The following GRAMD2B variants were observed in gnomAD, a reference collection of about 807,000 sequenced individuals.
GRAMD2B encodes GRAM domain containing 2B, also known as GRAM domain-containing protein 2B.
Under a neutral mutation model 59.2 loss-of-function variants are expected in GRAMD2B, and 41 were observed. The observed-to-expected ratio is 0.69, with a 90% CI of 0.54 to 0.90. The LOEUF is 0.90. GRAMD2B is among the 40% of genes least tolerant of loss of function. The probability of loss-of-function intolerance (pLI) is 0.00; values close to 1 mark genes in which losing one functional copy is unlikely to be tolerated. For missense variants in GRAMD2B, 424 were observed against 500.5 expected (o/e 0.85, Z 1.46); for synonymous variants, 161 against 182.7 (o/e 0.88, Z 0.96).
At chr5:126,428,540 G>T (rs1760994323) in intron 1 of GRAMD2B, among the ~76,000 whole-genome samples, 1 of 152,078 alleles carries the variant, frequency 6.6e-6, no homozygotes, top group Admixed American at 6.5e-5. Context: ...GATTTATCTG[G>T]GCAGTACATG....
At position 126,386,810 on chromosome 5, in the gene GRAMD2B, A is replaced by G. The variant is rs149925499; in HGVS notation, c.125+15243A>G. On this transcript the variant is annotated intron_variant, in intron 1 of 8. Coordinates refer to the GRAMD2B transcript ENST00000506445. ...GGACTATTCTGAGGATTAGGTACAG[A>G]TAATTTTGGAGGCTGGCAAGTTGGA... 4.4e-3 allele frequency among the ~76,000 whole-genome samples: 676 copies of G among 152,310 alleles called. 6 individuals are homozygous for G. Among genetic ancestry groups the G allele is most frequent in the Non-Finnish European group, 5.3e-3 (360 of 68,032 alleles).
At position 126,386,462 on chromosome 5, in the gene GRAMD2B, A is replaced by G. The variant is rs139973021; in HGVS notation, c.125+14895A>G. 2.6e-3 allele frequency among the ~76,000 whole-genome samples: 402 copies of G among 152,352 alleles called. 2 individuals carry two copies. Among genetic ancestry groups the G allele is most frequent in the Non-Finnish European group, 3.8e-3 (257 of 68,036 alleles). ...ACAATGAGCATGTATTATCTTACAC[A>G]GTATCTGTGGGTTCTGAATCTGGAA... On this transcript the variant is annotated intron_variant, in intron 1 of 8. Coordinates refer to the GRAMD2B transcript ENST00000506445.
intron 1 of GRAMD2B, among the ~76,000 whole-genome samples, chr5:126,427,654 T>C (rs1760847199): frequency 6.6e-6 from 1 of 152,224 alleles, no homozygotes; most frequent in Non-Finnish European, 1.5e-5. Flanking sequence ...TTACTTAAAA[T>C]AGTGAATTCA....
At chr5:126,376,845 A>G (rs542812324) in intron 1 of GRAMD2B, among the ~76,000 whole-genome samples, 18 of 152,212 alleles carry the variant, frequency 1.2e-4, no homozygotes, top group African/African-American at 4.3e-4. Context: ...AGGACCTATG[A>G]ACTCTGCAGA....
chr5:126,441,655 C>T (rs951948142), intron 1 of GRAMD2B, among the ~76,000 whole-genome samples: 3 of 152,210 alleles, frequency 2.0e-5, no homozygotes, highest in African/African-American at 7.2e-5. Flanking sequence ...CACACAGCAA[C>T]ATTTCACAAT....
chr5:126,367,003 GCAC>G (rs2149686590), upstream of GRAMD2B, among the ~76,000 whole-genome samples: 1 of 151,862 alleles, frequency 6.6e-6, no homozygotes, highest in South Asian at 2.1e-4. Flanking sequence ...TACAGGCCAC[GCAC>G]CACCACACCT....
chr5:126,430,278 G>A (rs866601155), intron 1 of GRAMD2B, among the ~76,000 whole-genome samples: 8 of 152,260 alleles, frequency 5.3e-5, no homozygotes, highest in Non-Finnish European at 8.8e-5. Flanking sequence ...ATATGTAGCC[G>A]TCATTGGTCA....
intron 1 of GRAMD2B, among the ~76,000 whole-genome samples, chr5:126,413,376 G>A (rs952452163): frequency 6.6e-6 from 1 of 152,070 alleles, no homozygotes; most frequent in Admixed American, 6.6e-5. Flanking sequence ...AAGTAATTCA[G>A]AAGCAAGTTT....
chr5:126,443,489 C>T (rs1436930986), intron 1 of GRAMD2B, among the ~76,000 whole-genome samples: 2 of 152,170 alleles, frequency 1.3e-5, no homozygotes, highest in African/African-American at 4.8e-5. Context: ...TAAAAGAAAA[C>T]AGGACCCCTG....
At chr5:126,383,643 A>G (rs1561464839) in intron 1 of GRAMD2B, among the ~76,000 whole-genome samples, 1 of 152,188 alleles carries the variant, frequency 6.6e-6, no homozygotes, top group Non-Finnish European at 1.5e-5. Flanking sequence ...GCTGTATGGC[A>G]AAACTATGCG....
intron 1 of GRAMD2B, among the ~76,000 whole-genome samples, chr5:126,450,509 G>C (rs1195389303): frequency 6.6e-6 from 1 of 152,036 alleles, no homozygotes; most frequent in Non-Finnish European, 1.5e-5. Flanking sequence ...ACATTCTGCT[G>C]TGAAGTTTAC....
At chr5:126,467,816 G>A (rs1240864601) in intron 2 of GRAMD2B, among the ~76,000 whole-genome samples, 3 of 152,188 alleles carry the variant, frequency 2.0e-5, no homozygotes, top group South Asian at 2.1e-4. Flanking sequence ...TTGAACTGCT[G>A]AGGGGTATTT....
chr5:126,479,628 G>GTGTAAATT (rs1173729482), intron 6 of GRAMD2B, among the ~76,000 whole-genome samples: 1 of 152,122 alleles, frequency 6.6e-6, no homozygotes, highest in East Asian at 1.9e-4. Flanking sequence ...GTAAGTGTAA[G>GTGTAAATT]AGCCAGAATT....
At chr5:126,436,725 A>G (rs1762472004) in intron 1 of GRAMD2B, among the ~76,000 whole-genome samples, 1 of 152,234 alleles carries the variant, frequency 6.6e-6, no homozygotes, top group African/African-American at 2.4e-5. Flanking sequence ...TATGAATTTC[A>G]ATCTACTGTG....
chr5:126,486,138 T>C (rs1772870503), intron 11 of GRAMD2B, among the ~76,000 whole-genome samples: 2 of 152,234 alleles, frequency 1.3e-5, no homozygotes, highest in Non-Finnish European at 1.5e-5. Context: ...ATATAATGTA[T>C]ACTGATCAGA....
upstream of GRAMD2B, among the ~76,000 whole-genome samples, chr5:126,418,860 C>T (rs1340966756): frequency 6.6e-6 from 1 of 152,136 alleles, no homozygotes. Context: ...CTTCTTTGGA[C>T]ACTGGCTTTA....
chr5:126,477,553 T>A, intron 5 of GRAMD2B, 139 bp from the exon 6 acceptor site: 1 of 674,174 alleles, frequency 1.5e-6, no homozygotes, highest in South Asian at 1.7e-5. Flanking sequence ...TAAGACTGGC[T>A]TTTTTTCATG....
intron 1 of GRAMD2B, among the ~76,000 whole-genome samples, chr5:126,363,516 G>A (rs997890936): frequency 2.5e-4 from 38 of 152,210 alleles, no homozygotes; most frequent in African/African-American, 8.7e-4. Context: ...ATCCATAATA[G>A]CATTATTTTT....
intron 1 of GRAMD2B, among the ~76,000 whole-genome samples, chr5:126,400,875 C>G (rs1005914933): frequency 2.0e-5 from 3 of 152,068 alleles, no homozygotes; most frequent in Non-Finnish European, 2.9e-5. Context: ...GTTTTCAAAA[C>G]ACTCTGTCAT....
Sources: gnomAD v4.1 joint callset for allele counts (sites outside exome capture counted in the v4.1 genomes callset) on GRCh38, gnomAD v4.1.1 for gene constraint, MANE v1.5 for transcripts, NCBI Gene and HGNC (gene_info 2026-07-23, HGNC 2026-07-21) for gene names.